POLQ: variants seen among roughly 807,000 people sequenced by gnomAD.
POLQ encodes the protein epididymis secretory sperm binding protein.
A neutral mutation model predicts 259.2 loss-of-function variants in POLQ; 233 were observed. That is an observed-to-expected ratio of 0.90 (90% CI 0.81 to 1.00). The LOEUF is 1.00. Ranked by LOEUF, POLQ falls within the 50% of genes least tolerant of loss-of-function variation. The pLI is 0.00. For synonymous variants in POLQ, 1,025 were observed against 1,048.8 expected, an observed-to-expected ratio of 0.98 and a Z score of 0.44; for missense variants, 2,871 against 3,051.6, an observed-to-expected ratio of 0.94 and a Z score of 1.39.
chr3:121,536,084 A>G (rs2048448719), intron 5 of POLQ, among the ~76,000 whole-genome samples: 1 of 152,252 alleles, frequency 6.6e-6, no homozygotes, highest in African/African-American at 2.4e-5. Context: ...CATCAAACAA[A>G]AAAGACAGTT....
Position 121,476,712 on chromosome 3 carries a change from A to G in POLQ, c.6233T>C (p.Met2078Thr), listed in dbSNP as rs376947965. Residue 2078 changes from methionine to threonine, a missense_variant, in exon 20 of 30, where the codon ATG (methionine) becomes ACG (threonine). By Grantham distance (81) the Met-to-Thr change is moderately conservative. This residue lies in a region of POLQ where 2,080 missense variants were observed against 2,126.0 expected (regional missense o/e 0.98). Coordinates refer to ENST00000264233, the MANE Select transcript of POLQ (RefSeq NM_199420.4). ...CAAGGCCAAGCAGTACTGAGAGGGC[A>G]TTTCCACCTTACGGAAAACATCTGG... The part of the protein sequence containing the change: ...NLQDVFRKVE[M>T]PSQYCLALLE... 3.7e-5 allele frequency: 59 copies of G among 1,599,596 alleles called. No individual in the cohort carries two copies. The highest frequency in any genetic ancestry group is 4.9e-5 in the Non-Finnish European group (58 of 1,175,964).
At chr3:121,520,128 A>C (rs1267013275) in intron 8 of POLQ, 45 bp from the exon 9 acceptor site, 1 of 1,060,226 alleles carries the variant, frequency 9.4e-7, no homozygotes. Flanking sequence ...TATAACGAAA[A>C]TATTATACGT....
chr3:121,542,843 C>T (rs983806923), intron 2 of POLQ, among the ~76,000 whole-genome samples: 1 of 151,982 alleles, frequency 6.6e-6, no homozygotes. Context: ...TGGGGCCGGG[C>T]GTGGTGGCGG....
chr3:121,531,730 G>T (rs1465953264), intron 6 of POLQ, among the ~76,000 whole-genome samples: 2 of 152,142 alleles, frequency 1.3e-5, no homozygotes, highest in African/African-American at 4.8e-5. Flanking sequence ...CAAAAGGGTG[G>T]AGGCACAGAC....
intron 26 of POLQ, among the ~76,000 whole-genome samples, chr3:121,441,413 A>T (rs939134874): frequency 2.2e-4 from 33 of 152,176 alleles, no homozygotes; most frequent in African/African-American, 7.5e-4. Context: ...TCACCCTCAG[A>T]CACTCACTCA....
chr3:121,506,382 C>CA (rs1187636928), intron 12 of POLQ, among the ~76,000 whole-genome samples: 1 of 151,762 alleles, frequency 6.6e-6, no homozygotes, highest in Non-Finnish European at 1.5e-5. Flanking sequence ...TACCCATTAG[C>CA]AATCACTCTC....
At position 121,468,363 on chromosome 3, in the gene POLQ, G is replaced by T; in HGVS notation, c.6787C>A (p.Leu2263Ile). Residue 2263 changes from leucine to isoleucine, a missense_variant, in exon 23 of 30, where the codon CTA (leucine) becomes ATA (isoleucine). Physicochemically the swap from Leu to Ile is conservative, Grantham distance 5 (BLOSUM62 2). Transcript: ENST00000264233. ...PRDFEIKMPT[L>I]VGESPPSQAV... Reference sequence around the variant, plus strand: ...TGAGAAGGTGGGCTTTCTCCTACTAGTGTTGGCATTTTGATTTCAAAATCT... The same window carrying T: ...TGAGAAGGTGGGCTTTCTCCTACTATTGTTGGCATTTTGATTTCAAAATCT... The T allele has an allele frequency of 1.2e-6, 2 of 1,611,178 alleles. No individual in the cohort carries two copies. The highest frequency in any genetic ancestry group is 1.7e-6 in the Non-Finnish European group (2 of 1,177,452).
chr3:121,538,267 A>G (rs1306101386), intron 4 of POLQ, among the ~76,000 whole-genome samples: 2 of 152,142 alleles, frequency 1.3e-5, no homozygotes, highest in African/African-American at 2.4e-5. Context: ...AAACATAAAT[A>G]TGATCACAAT....
intron 26 of POLQ, among the ~76,000 whole-genome samples, chr3:121,444,846 C>T (rs1177311573): frequency 1.3e-5 from 2 of 152,032 alleles, no homozygotes; most frequent in Non-Finnish European, 2.9e-5. Flanking sequence ...TTTTCAGCAT[C>T]AATTGAAATG....
chr3:121,510,015 T>C (rs2048240834), intron 11 of POLQ, 24 bp downstream of exon 11: 1 of 1,573,100 alleles, frequency 6.4e-7, no homozygotes, highest in African/African-American at 1.3e-5. Context: ...AGTGAGTAAA[T>C]TGCAACTGAG....
chr3:121,509,442 ACTAAC>A (rs2048234696), intron 12 of POLQ, 114 bp downstream of exon 12: 1 of 768,772 alleles, frequency 1.3e-6, no homozygotes, highest in African/African-American at 1.7e-5. Context: ...TCCCACCAGT[ACTAAC>A]CTAGGCATGG....
intron 9 of POLQ, among the ~76,000 whole-genome samples, chr3:121,519,567 T>C (rs1048050756): frequency 1.0e-4 from 15 of 149,446 alleles, no homozygotes; most frequent in Non-Finnish European, 2.1e-4. Context: ...TCCCAGCTAC[T>C]TGGGAGGCTG....
intron 27 of POLQ, among the ~76,000 whole-genome samples, chr3:121,436,998 T>C (rs1450579766): frequency 1.3e-5 from 2 of 152,106 alleles, no homozygotes; most frequent in South Asian, 2.1e-4. Flanking sequence ...CCCCAAAATA[T>C]CTAAGAAAAT....
At chr3:121,455,733 C>A (rs2047729964) in intron 25 of POLQ, among the ~76,000 whole-genome samples, 2 of 152,110 alleles carry the variant, frequency 1.3e-5, no homozygotes, top group Non-Finnish European at 2.9e-5. Flanking sequence ...GAAATTGTGG[C>A]AATAATCAAT....
chr3:121,479,425 C>T (rs1576411192), intron 19 of POLQ, among the ~76,000 whole-genome samples: 3 of 149,284 alleles, frequency 2.0e-5, no homozygotes, highest in African/African-American at 4.9e-5. Context: ...AAAAGTAGTG[C>T]TTTGAGGAAA....
chr3:121,465,572 T>A (rs1054588496), intron 24 of POLQ, among the ~76,000 whole-genome samples: 1 of 152,194 alleles, frequency 6.6e-6, no homozygotes, highest in Non-Finnish European at 1.5e-5. Flanking sequence ...GTGGAGCAAG[T>A]GTTTCAGCAC....
At chr3:121,483,798 T>C (rs2047989445) in intron 17 of POLQ, among the ~76,000 whole-genome samples, 1 of 152,114 alleles carries the variant, frequency 6.6e-6, no homozygotes. Flanking sequence ...GGCTAGAAGA[T>C]TTTTAATGCT....
At chr3:121,459,376 T>C (rs2047770964) in intron 25 of POLQ, among the ~76,000 whole-genome samples, 1 of 143,830 alleles carries the variant, frequency 7.0e-6, no homozygotes, top group African/African-American at 2.6e-5. Flanking sequence ...AAGATTTTTT[T>C]TTTTTTTTTT....
chr3:121,498,701 A>T, intron 12 of POLQ, 31 bp from the exon 13 acceptor site: 1 of 1,454,012 alleles, frequency 6.9e-7, no homozygotes, highest in South Asian at 1.2e-5. Context: ...TCATTAACTA[A>T]AACTATTATA....
Sources: gnomAD v4.1 joint callset for allele counts (sites outside exome capture counted in the v4.1 genomes callset) on GRCh38, gnomAD v4.1.1 for gene constraint, gnomAD v4.1.1 regional missense constraint, MANE v1.5 for transcripts, NCBI Gene and HGNC (gene_info 2026-07-23, HGNC 2026-07-21) for gene names.